Variants in RBFOX1 observed in about 807,000 individuals in gnomAD.
RBFOX1 encodes the protein RNA binding protein fox-1 homolog 1.
A neutral mutation model predicts 57.7 loss-of-function variants in RBFOX1; 8 were observed. The ratio of observed to expected loss-of-function variants is 0.14; its 90% CI spans 0.08 to 0.25. RBFOX1 has a LOEUF of 0.25. Ranked by LOEUF, RBFOX1 falls within the 10% of genes least tolerant of loss-of-function variation. The pLI is 1.00. For synonymous variants in RBFOX1, 326 were observed against 222.4 expected, an observed-to-expected ratio of 1.47 and a Z score of -4.15; for missense variants, 611 against 548.5, an observed-to-expected ratio of 1.11 and a Z score of -1.14.
intron 4 of RBFOX1, among the ~76,000 whole-genome samples, chr16:7,082,516 A>C (rs534832800): frequency 1.3e-5 from 2 of 151,626 alleles, no homozygotes; most frequent in African/African-American, 4.8e-5. Flanking sequence ...TGGGAGGTGG[A>C]GGTTGATCAA....
At chr16:7,029,287 CAT>C (rs1158930052) in intron 3 of RBFOX1, among the ~76,000 whole-genome samples, 7 of 102,228 alleles carry the variant, frequency 6.8e-5, no homozygotes, top group Middle Eastern at 5.3e-3. Flanking sequence ...TATATATACA[CAT>C]ATATATATAC....
At chr16:7,078,136 C>G (rs9926505) in intron 4 of RBFOX1, among the ~76,000 whole-genome samples, 13,991 of 152,190 alleles carry the variant, frequency 0.092, 792 homozygotes, top group East Asian at 0.25. Flanking sequence ...ACTGTTCATT[C>G]TTTCTCATCT....
intron 1 of RBFOX1, among the ~76,000 whole-genome samples, chr16:6,105,018 TG>T: frequency 6.6e-6 from 1 of 152,324 alleles, no homozygotes; most frequent in Middle Eastern, 3.4e-3. Context: ...ATGGCTAATT[TG>T]TTGCTTCTTA....
At chr16:6,069,947 G>A (rs774364566) in intron 1 of RBFOX1, among the ~76,000 whole-genome samples, 21 of 151,820 alleles carry the variant, frequency 1.4e-4, no homozygotes, top group Non-Finnish European at 2.5e-4. Flanking sequence ...AGATCCAACC[G>A]CTGCACTCCA....
At chr16:6,842,933 G>A (rs1257268258) in intron 3 of RBFOX1, among the ~76,000 whole-genome samples, 1 of 151,996 alleles carries the variant, frequency 6.6e-6, no homozygotes, top group Non-Finnish European at 1.5e-5. Flanking sequence ...TTGGTTTTCT[G>A]TTCCTGTGTT....
intron 1 of RBFOX1, among the ~76,000 whole-genome samples, chr16:5,326,287 G>A (rs1219543927): frequency 5.9e-5 from 9 of 152,108 alleles, no homozygotes; most frequent in Non-Finnish European, 2.9e-5. Flanking sequence ...AACAGCTTTC[G>A]GATGTATGTG....
At chr16:5,733,378 T>G (rs950606260) in intron 3 of RBFOX1, among the ~76,000 whole-genome samples, 3 of 152,142 alleles carry the variant, frequency 2.0e-5, no homozygotes, top group Non-Finnish European at 2.9e-5. Context: ...GGGAAGCAAC[T>G]TACCATGATT....
At chr16:6,542,368 G>C (rs560361004) in intron 2 of RBFOX1, among the ~76,000 whole-genome samples, 3 of 152,082 alleles carry the variant, frequency 2.0e-5, no homozygotes, top group East Asian at 1.9e-4. Context: ...GGGTGAGGCA[G>C]GTGTACTGGA....
At position 6,693,685 on chromosome 16, in the gene RBFOX1, C is replaced by G. The variant is rs374237951; in HGVS notation, c.-16+39035C>G. 2.6e-5 allele frequency among the ~76,000 whole-genome samples: 4 copies of G among 151,672 alleles called. No individual in the cohort carries two copies. The East Asian group carries it at 7.8e-4, about 30-fold the overall frequency. On this transcript the variant is annotated intron_variant, in intron 3 of 15. Transcript: ENST00000550418. ...TCATCCTCATCTGCTACCATCACCA[C>G]CATCATCATCACCATCATCCTCCTC... is the stretch of plus-strand genomic sequence containing the variant.
At chr16:6,870,852 C>G (rs1331647587) in intron 3 of RBFOX1, among the ~76,000 whole-genome samples, 3 of 152,112 alleles carry the variant, frequency 2.0e-5, no homozygotes, top group Admixed American at 6.5e-5. Context: ...GATTTACAGT[C>G]ACTAATAAAA....
At chr16:6,428,379 T>G (rs1401836069) in intron 2 of RBFOX1, among the ~76,000 whole-genome samples, 3 of 152,040 alleles carry the variant, frequency 2.0e-5, no homozygotes, top group Non-Finnish European at 4.4e-5. Context: ...GTTCATGTAC[T>G]GAAACCTTCA....
In RBFOX1 at chr16:7,152,267, C is replaced by A. The variant is rs549366181; in HGVS notation, c.27+100169C>A. On this transcript the variant is annotated intron_variant, in intron 4 of 15. Transcript: ENST00000550418. ...GTAGGCTGTGCATAGCTTTAGTAAA[C>A]CCACCCATGGAAAGTATTCTATCAG... Among the ~76,000 whole-genome samples, 4 of 152,252 alleles carry A rather than the reference C, an allele frequency of 2.6e-5. No homozygotes were observed. In the East Asian group the frequency reaches 5.8e-4, roughly 22 times the overall value.
chr16:6,949,404 C>G (rs1330201866), intron 3 of RBFOX1, among the ~76,000 whole-genome samples: 2 of 152,132 alleles, frequency 1.3e-5, no homozygotes, highest in African/African-American at 4.8e-5. Context: ...TATTAGCTGG[C>G]TAGGGGCACC....
chr16:7,286,551 C>T (rs980362590), intron 4 of RBFOX1, among the ~76,000 whole-genome samples: 1 of 148,722 alleles, frequency 6.7e-6, no homozygotes, highest in East Asian at 2.0e-4. Flanking sequence ...CAGGTTCAAG[C>T]AACTTTCCCT....
intron 3 of RBFOX1, among the ~76,000 whole-genome samples, chr16:5,675,831 T>C (rs1489783425): frequency 6.6e-6 from 1 of 152,152 alleles, no homozygotes; most frequent in African/African-American, 2.4e-5. Context: ...GCAGCAGACA[T>C]TGCTTTGAAA....
intron 1 of RBFOX1, among the ~76,000 whole-genome samples, chr16:5,332,747 G>A (rs190447566): frequency 4.7e-5 from 7 of 149,734 alleles, no homozygotes; most frequent in African/African-American, 1.5e-4. Context: ...TTTGTAACAA[G>A]AGAAATCAAA....
At chr16:6,575,889 A>AT (rs2097427514) in intron 2 of RBFOX1, among the ~76,000 whole-genome samples, 1 of 151,436 alleles carries the variant, frequency 6.6e-6, no homozygotes, top group Non-Finnish European at 1.5e-5. Flanking sequence ...AAATAAATAA[A>AT]TAAATAAAGA....
chr16:6,155,772 C>A (rs1014084650), intron 1 of RBFOX1, among the ~76,000 whole-genome samples: 2 of 152,110 alleles, frequency 1.3e-5, no homozygotes, highest in East Asian at 1.9e-4. Context: ...CCATGTGGGA[C>A]TCTGCTGTGG....
At position 6,938,874 on chromosome 16, in the gene RBFOX1, G is replaced by T. The variant is rs546796727; in HGVS notation, c.-15-113183G>T. 1.7e-4 allele frequency among the ~76,000 whole-genome samples: 26 copies of T among 152,266 alleles called. 1 individual carries two copies. The South Asian group carries it at 5.4e-3, about 32-fold the overall frequency. On this transcript the variant is annotated intron_variant, in intron 3 of 15. Coordinates refer to ENST00000550418, the MANE Select transcript of RBFOX1 (RefSeq NM_018723.4). ...TTGAACCTGAGAGGCAGAGGTAGCA[G>T]TGAGCCGAGATTGCACCACTGCACT...
Sources: gnomAD v4.1 joint callset for allele counts (sites outside exome capture counted in the v4.1 genomes callset) on GRCh38, gnomAD v4.1.1 for gene constraint, MANE v1.5 for transcripts, NCBI Gene and HGNC (gene_info 2026-07-23, HGNC 2026-07-21) for gene names.